The following KIAA2013 variants were observed in gnomAD, a reference collection of about 807,000 sequenced individuals.
KIAA2013 encodes uncharacterized protein KIAA2013.
A neutral mutation model predicts 39.9 loss-of-function variants in KIAA2013; 20 were observed. That is an observed-to-expected ratio of 0.50 (90% CI 0.35 to 0.73). KIAA2013 has a LOEUF of 0.73. Ranked by LOEUF, KIAA2013 falls within the 30% of genes least tolerant of loss-of-function variation. KIAA2013 has a pLI of 0.01. For missense variants in KIAA2013, 587 were observed against 856.1 expected (o/e 0.69, Z 3.92); for synonymous variants, 336 against 416.6 (o/e 0.81, Z 2.35).
rs1645490148 is a variant in KIAA2013 at position 11,923,946 on chromosome 1, G to A, written c.1034-457C>T. ...CTTGAGTGCAGTGGAACGATCTCAG[G>A]TTACTACAGCCTCCGCCTCCCGGGT... On this transcript the variant is annotated intron_variant, in intron 1 of 2. Coordinates refer to ENST00000376572, the MANE Select transcript of KIAA2013 (RefSeq NM_138346.3). This position sits in a 1 kb window ranked among gnomAD's most constrained non-coding sequence, Gnocchi z 4.6. 6.6e-6 allele frequency among the ~76,000 whole-genome samples: 1 copy of A among 152,082 alleles called. No homozygotes were observed. The highest frequency in any genetic ancestry group is 2.4e-5 in the African/African-American group (1 of 41,404).
chr1:11,923,451 A>C lies in KIAA2013; in HGVS notation c.1072T>G (p.Ser358Ala), dbSNP rs1645487577. The change falls in exon 2 of 3, where the codon TCT (serine) becomes GCT (alanine). Residue 358 changes from serine to alanine, a missense_variant. Ser to Ala is a moderately conservative substitution (Grantham distance 99). Transcript: ENST00000376572. The surrounding 1 kb of genome is among the most constrained non-coding windows in gnomAD (Gnocchi z 4.6). ...AGCGTCAGGTTCACGGTGAGGCCAG[A>C]CGGCGTGTGGGTGTCAGTGATCTTC... Reference protein sequence around the residue: ...MKKITDTHTPSGLTVNLTLYY... With the variant: ...MKKITDTHTPAGLTVNLTLYY... 3 of 1,609,526 alleles carry C rather than the reference A, an allele frequency of 1.9e-6. No individual in the cohort carries two copies. The highest frequency in any genetic ancestry group is 4.5e-5 in the East Asian group (2 of 44,882).
chr1:11,920,213 A>G lies in KIAA2013; in HGVS notation c.*102T>C. 3.1e-6 allele frequency: 4 copies of G among 1,297,244 alleles called. No individual in the cohort carries two copies. In the South Asian group the frequency reaches 4.7e-5, roughly 15 times the overall value. 80.4% of individuals were successfully genotyped at this position (1,297,244 alleles called of 1,614,324 possible). On this transcript the variant is annotated 3_prime_UTR_variant, in exon 3 of 3. Transcript: ENST00000376572. The stretch of plus-strand genomic sequence containing the variant: ...TCACCGGTTTCCCCCAACAAGGCAC[A>G]AAGGGCGGGTGCTTCCAAAGGATCC...
rs1439333751 is a variant in KIAA2013 at position 11,921,399 on chromosome 1, C to T, written c.1888-1067G>A. ...TGCTAACGAGATGGCCACTCTGGTCCGAGGCCTGGAGCAAGGGGCTGACCT... is the reference window on the plus strand; with the variant it reads ...TGCTAACGAGATGGCCACTCTGGTCTGAGGCCTGGAGCAAGGGGCTGACCT... On this transcript the variant is annotated intron_variant, in intron 2 of 2. Coordinates refer to ENST00000376572, the MANE Select transcript of KIAA2013 (RefSeq NM_138346.3). 8.5e-5 allele frequency among the ~76,000 whole-genome samples: 13 copies of T among 152,156 alleles called. No individual in the cohort carries two copies. In the South Asian group the frequency reaches 1.5e-3, roughly 17 times the overall value.
chr1:11,922,593 C>G (rs562786440), intron 2 of KIAA2013, 43 bp downstream of exon 2: 1 of 1,603,908 alleles, frequency 6.2e-7, no homozygotes, highest in African/African-American at 1.3e-5. Context: ...GGGCTGAGAG[C>G]AAGGCCAAGG....
rs370051234 is a variant in KIAA2013, at chr1:11,923,464, G to T, written c.1059C>A (p.Asp353Glu). 6.2e-7 allele frequency: 1 copy of T among 1,607,602 alleles called. No homozygotes were observed. Among genetic ancestry groups the T allele is most frequent in the African/African-American group, 1.3e-5 (1 of 75,044 alleles). The change falls in exon 2 of 3, where the codon GAC becomes GAA. Residue 353 changes from aspartate to glutamate, a missense_variant. Asp to Glu is a conservative substitution (Grantham distance 45). Coordinates refer to ENST00000376572, the MANE Select transcript of KIAA2013 (RefSeq NM_138346.3). The surrounding 1 kb of genome is among the most constrained non-coding windows in gnomAD (Gnocchi z 4.6). ...SPGVEMKKIT[D>E]THTPSGLTVN... The stretch of plus-strand genomic sequence containing the variant: ...CGGTGAGGCCAGACGGCGTGTGGGT[G>T]TCAGTGATCTTCTTCATTTCCACTC...
intron 2 of KIAA2013, among the ~76,000 whole-genome samples, chr1:11,921,193 C>T (rs1645472377): frequency 1.3e-5 from 2 of 152,144 alleles, no homozygotes; most frequent in Admixed American, 1.3e-4. Flanking sequence ...GGTCTTTCTC[C>T]TGAGGAAGCA....
At chr1:11,920,689 A>G (rs902784893) in intron 2 of KIAA2013, among the ~76,000 whole-genome samples, 2 of 152,214 alleles carry the variant, frequency 1.3e-5, no homozygotes, top group African/African-American at 4.8e-5. Flanking sequence ...GGCAAAACCC[A>G]CACGATGCAC....
chr1:11,922,753 C>G lies in KIAA2013; in HGVS notation c.1770G>C (p.Leu590=), dbSNP rs374964106. The G allele has an allele frequency of 3.7e-6, 6 of 1,613,928 alleles. No individual in the cohort carries two copies. The African/African-American group carries it at 8.0e-5, about 22-fold the overall frequency. Reference sequence around the variant, plus strand: ...CCACGCTGAACCAGAAGAGGAAGGGCAGCCCGGGGTCCTGCTGGGCCATGT... The same window carrying G: ...CCACGCTGAACCAGAAGAGGAAGGGGAGCCCGGGGTCCTGCTGGGCCATGT... The part of the protein sequence containing the change: ...DEHMAQQDPG[L]PFLFWFSVAS... Residue 590 remains leucine, a synonymous_variant, in exon 2 of 3, where the codon CTG becomes CTC. Transcript: ENST00000376572.
chr1:11,921,054 G>A (rs1645471601), intron 2 of KIAA2013, among the ~76,000 whole-genome samples: 1 of 150,094 alleles, frequency 6.7e-6, no homozygotes, highest in Non-Finnish European at 1.5e-5. Flanking sequence ...GAAGGGAGGG[G>A]AGGGGAGGAA....
In KIAA2013 at chr1:11,922,801, C is replaced by T; in HGVS notation, c.1722G>A (p.Lys574=). The T allele has an allele frequency of 6.2e-7, 1 of 1,613,318 alleles. No homozygotes were observed. Among genetic ancestry groups the T allele is most frequent in the Non-Finnish European group, 8.5e-7 (1 of 1,179,492 alleles). ...LQDLRHTLHL[K]AILAHDEHMA... ...TGTGCTCATCATGGGCCAGGATGGC[C>T]TTGAGGTGCAGCGTGTGCCGCAGGT... The change falls in exon 2 of 3, where the codon AAG becomes AAA. Residue 574 remains lysine (K), a synonymous_variant. Coordinates refer to ENST00000376572, the MANE Select transcript of KIAA2013 (RefSeq NM_138346.3).
chr1:11,920,655 A>G (rs1362984740), intron 2 of KIAA2013, among the ~76,000 whole-genome samples: 1 of 152,230 alleles, frequency 6.6e-6, no homozygotes, highest in Non-Finnish European at 1.5e-5. Context: ...GCAGCAGGGA[A>G]AAGCAGCCGC....
rs1329329971 is a variant in KIAA2013 at position 11,925,868 on chromosome 1, G to T, written c.370C>A (p.Pro124Thr). ...REPAVAPDFVPFVQLRPLSAL... is the reference protein window; with the variant it reads ...REPAVAPDFVTFVQLRPLSAL... ...CTCAGCGGGCGCAGCTGCACGAAGG[G>T]CACAAAGTCCGGCGCCACGGCGGGC... Residue 124 changes from proline to threonine, a missense_variant, in exon 1 of 3, where the codon CCC (proline) becomes ACC (threonine). Transcript: ENST00000376572. The surrounding 1 kb of genome is among the most constrained non-coding windows in gnomAD (Gnocchi z 5.2). 6.5e-7 allele frequency: 1 copy of T among 1,530,520 alleles called. No individual in the cohort carries two copies. The allele number at this position is 1,530,520 out of a possible 1,614,324, so 94.8% of individuals were successfully genotyped here.
At position 11,919,980 on chromosome 1, in the gene KIAA2013, T is replaced by C. The variant is rs1208656777; in HGVS notation, c.*335A>G. The C allele has an allele frequency of 1.5e-5, 6 of 389,064 alleles. No individual in the cohort carries two copies. The highest frequency in any genetic ancestry group is 2.3e-5 in the Non-Finnish European group (5 of 215,462). The allele number at this position is 389,064 out of a possible 1,614,324, so 24.1% of individuals were successfully genotyped here. A position where few individuals can be genotyped will look rare whatever the true frequency, so the allele number is the denominator to read the frequency against. On this transcript the variant is annotated 3_prime_UTR_variant, in exon 3 of 3. Transcript: ENST00000376572. ...ATTAGGAAAAGGACACAACTTTTCCTAGACAAGAGTCTTTTCAAAAGATGA... is the reference window on the plus strand; with the variant it reads ...ATTAGGAAAAGGACACAACTTTTCCCAGACAAGAGTCTTTTCAAAAGATGA...
chr1:11,922,152 ATTTT>A (rs35040868), intron 2 of KIAA2013: 12 of 124,438 alleles, frequency 9.6e-5, no homozygotes, highest in Non-Finnish European at 1.6e-4. Context: ...CCTGCCTCTA[ATTTT>A]TTTTTTTTTT....
At chr1:11,922,267 G>A in intron 2 of KIAA2013, 1 of 1,022,470 alleles carries the variant, frequency 9.8e-7, no homozygotes. Flanking sequence ...ATAGTTCACT[G>A]CAGCCTCAAA....
In KIAA2013 at chr1:11,926,059, G is replaced by A; in HGVS notation, c.179C>T (p.Ala60Val). 3 of 1,457,948 alleles carry A rather than the reference G, an allele frequency of 2.1e-6. No homozygotes were observed. The highest frequency in any genetic ancestry group is 2.7e-6 in the Non-Finnish European group (3 of 1,114,876). The allele number at this position is 1,457,948 out of a possible 1,614,324, so 90.3% of individuals were successfully genotyped here. The stretch of plus-strand genomic sequence containing the variant: ...CGCCTCCAGGCAGGCAGACGGCTCG[G>A]CGGCGCCCGGCTCACCGCGGGACCA... Reference protein sequence around the residue: ...LPWSRGEPGAAEPSACLEAAT... With the variant: ...LPWSRGEPGAVEPSACLEAAT... Residue 60 changes from alanine to valine, a missense_variant, in exon 1 of 3, where the codon GCC becomes GTC. By Grantham distance (64) the Ala-to-Val change is moderately conservative. Transcript: ENST00000376572.
chr1:11,920,482 C>T (rs1458226264), intron 2 of KIAA2013, 150 bp from the exon 3 acceptor site: 3 of 785,404 alleles, frequency 3.8e-6, no homozygotes, highest in Non-Finnish European at 6.6e-6. Context: ...TGGCCTGGGC[C>T]CTTCTGGAGC....
intron 1 of KIAA2013, among the ~76,000 whole-genome samples, chr1:11,924,143 A>G (rs1645491425): frequency 6.6e-6 from 1 of 151,970 alleles, no homozygotes; most frequent in Non-Finnish European, 1.5e-5. Context: ...AAAAACATAC[A>G]CACACACAAC....
intron 2 of KIAA2013, among the ~76,000 whole-genome samples, chr1:11,920,790 T>C (rs1182001978): frequency 1.3e-5 from 2 of 152,246 alleles, no homozygotes; most frequent in Non-Finnish European, 2.9e-5. Flanking sequence ...TTGATTTTTC[T>C]TCGAACTTGA....
Sources: allele counts gnomAD v4.1 joint callset (sites outside exome capture counted in the v4.1 genomes callset), GRCh38; gene constraint gnomAD v4.1.1; non-coding constraint Gnocchi (gnomAD v3.1); transcripts MANE v1.5; gene names NCBI Gene and HGNC (gene_info 2026-07-23, HGNC 2026-07-21).